OLFML2B: variants seen among roughly 807,000 people sequenced by gnomAD.
The protein encoded by OLFML2B is olfactomedin like 2B.
In OLFML2B, 57 loss-of-function variants were observed where a neutral mutation model predicts 74.9. The observed-to-expected ratio is 0.76, with a 90% confidence interval of 0.61 to 0.95. The LOEUF is 0.95. OLFML2B is among the 40% of genes least tolerant of loss of function. OLFML2B has a pLI of 0.00. For synonymous variants in OLFML2B, 388 were observed against 405.8 expected, an observed-to-expected ratio of 0.96 and a Z score of 0.53; for missense variants, 986 against 970.6, an observed-to-expected ratio of 1.02 and a Z score of -0.21.
At chr1:162,015,819 A>T (rs1342853975) in intron 3 of OLFML2B, among the ~76,000 whole-genome samples, 2 of 151,882 alleles carry the variant, frequency 1.3e-5, no homozygotes, top group African/African-American at 2.4e-5. Context: ...CTTTGAGAGA[A>T]CCCCTTGAAG....
chr1:162,012,753 A>G (rs556514634), intron 3 of OLFML2B, among the ~76,000 whole-genome samples: 19 of 152,334 alleles, frequency 1.2e-4, no homozygotes, highest in African/African-American at 4.6e-4. Flanking sequence ...ACATGTGTAC[A>G]TAAGCATTTC....
Position 162,000,102 on chromosome 1 carries a change from C to T in OLFML2B, c.949+11G>A, listed in dbSNP as rs376250138. The T allele has an allele frequency of 6.3e-6, 10 of 1,576,118 alleles. No individual in the cohort carries two copies. The African/African-American group carries it at 1.2e-4, about 19-fold the overall frequency. On this transcript the variant is annotated intron_variant, in intron 5 of 7. Transcript: ENST00000294794. ...CCTGCCTCTGGGGCGGCCCTGTTGA[C>T]CCCAACTCACGCTGCTCTTCAATGT...
intron 4 of OLFML2B, among the ~76,000 whole-genome samples, chr1:162,001,822 A>T (rs1398591718): frequency 6.6e-6 from 1 of 152,222 alleles, no homozygotes; most frequent in Non-Finnish European, 1.5e-5. Context: ...TGTTAAATTG[A>T]ATTTCTGAAT....
At chr1:162,006,174 A>G (rs1480023135) in intron 4 of OLFML2B, 123 bp downstream of exon 4, 1 of 861,332 alleles carries the variant, frequency 1.2e-6, no homozygotes, top group Non-Finnish European at 1.7e-6. Context: ...GAACAATTGT[A>G]TGGATGAAGC....
In OLFML2B at chr1:161,984,231, G is replaced by A. The variant is rs1689522599; in HGVS notation, c.1697C>T (p.Thr566Ile). The A allele has an allele frequency of 1.9e-6, 3 of 1,543,418 alleles. No individual in the cohort carries two copies. The highest frequency in any genetic ancestry group is 2.6e-6 in the Non-Finnish European group (3 of 1,146,612). ...GGCGCCATTGTATACCACGTGGCCT[G>A]TGCCGATCCAGCTGTACGGGAGCTT... The part of the protein sequence containing the change: ...SYKLPYSWIG[T>I]GHVVYNGAFY... The change falls in exon 8 of 8, where the codon ACA (threonine) becomes ATA (isoleucine). Residue 566 changes from threonine to isoleucine, a missense_variant. Physicochemically the swap from Thr to Ile is moderately conservative, Grantham distance 89. Coordinates refer to ENST00000294794, the MANE Select transcript of OLFML2B (RefSeq NM_015441.3).
intron 3 of OLFML2B, among the ~76,000 whole-genome samples, chr1:162,014,078 G>C (rs949292314): frequency 2.6e-5 from 4 of 152,176 alleles, no homozygotes; most frequent in African/African-American, 9.7e-5. Context: ...TCCCCTGAGG[G>C]AAGGGTATGA....
At chr1:161,992,298 G>T (rs1689763423) in intron 6 of OLFML2B, among the ~76,000 whole-genome samples, 1 of 152,248 alleles carries the variant, frequency 6.6e-6, no homozygotes, top group African/African-American at 2.4e-5. Context: ...TTAGGGCCTT[G>T]CTCTGGATTA....
At chr1:161,987,709 G>C (rs1276974219) in intron 6 of OLFML2B, among the ~76,000 whole-genome samples, 1 of 152,172 alleles carries the variant, frequency 6.6e-6, no homozygotes, top group African/African-American at 2.4e-5. Flanking sequence ...GGAGGCATAG[G>C]AAATGGATAC....
intron 3 of OLFML2B, among the ~76,000 whole-genome samples, chr1:162,014,643 T>C (rs753333124): frequency 3.1e-4 from 47 of 152,188 alleles, no homozygotes; most frequent in Non-Finnish European, 6.3e-4. Flanking sequence ...ATTCTGCCTT[T>C]TCAATTACTG....
At chr1:162,018,246 T>C (rs2101979663) in intron 2 of OLFML2B, among the ~76,000 whole-genome samples, 1 of 152,256 alleles carries the variant, frequency 6.6e-6, no homozygotes, top group East Asian at 1.9e-4. Flanking sequence ...TGAGTTTACC[T>C]CTATAACAAA....
chr1:162,018,913 T>A (rs973424197), intron 2 of OLFML2B, among the ~76,000 whole-genome samples: 1 of 152,238 alleles, frequency 6.6e-6, no homozygotes, highest in African/African-American at 2.4e-5. Context: ...TGTGATAATT[T>A]CCTGATTTCT....
chr1:161,987,386 G>A (rs192551808), intron 6 of OLFML2B, among the ~76,000 whole-genome samples: 22 of 152,314 alleles, frequency 1.4e-4, no homozygotes, highest in African/African-American at 5.3e-4. Flanking sequence ...GACTATCTGG[G>A]TGGTCCTATT....
At chr1:162,017,645 T>C in intron 2 of OLFML2B, 138 bp from the exon 3 acceptor site, 3 of 609,778 alleles carry the variant, frequency 4.9e-6, no homozygotes, top group Non-Finnish European at 8.6e-6. Context: ...AGAAACACAT[T>C]TGTGTAGACA....
Position 162,006,313 on chromosome 1 carries a change from G to A in OLFML2B, c.707C>T (p.Ala236Val). ...GGGCTATACCTCTGGGTGGGCGTAG[G>A]CTGCTGCTGCATCCCTCTGCAGGGC... ...RSALQRDAAA[A>V]YAHPEYEERF... The change falls in exon 4 of 8, where the codon GCC (alanine) becomes GTC (valine). Residue 236 changes from alanine (A) to valine (V), a missense_variant. Transcript: ENST00000294794. 6.3e-7 allele frequency: 1 copy of A among 1,595,268 alleles called. No individual in the cohort carries two copies. The highest frequency in any genetic ancestry group is 8.5e-7 in the Non-Finnish European group (1 of 1,173,378).
chr1:161,996,122 A>AT (rs1460470513), intron 6 of OLFML2B, among the ~76,000 whole-genome samples: 1 of 152,084 alleles, frequency 6.6e-6, no homozygotes, highest in Non-Finnish European at 1.5e-5. Context: ...CGTTCATGAG[A>AT]TTTTGCCCTG....
chr1:162,002,808 G>T (rs1690117362), intron 4 of OLFML2B, among the ~76,000 whole-genome samples: 1 of 152,192 alleles, frequency 6.6e-6, no homozygotes, highest in Non-Finnish European at 1.5e-5. Flanking sequence ...CCTGCTCCTT[G>T]CCCCTCCCTC....
Position 161,984,251 on chromosome 1 carries a change from G to A in OLFML2B, c.1677C>T (p.Leu559=), listed in dbSNP as rs763070359. The A allele has an allele frequency of 6.6e-7, 1 of 1,522,234 alleles. No individual in the cohort carries two copies. The highest frequency in any genetic ancestry group is 8.8e-7 in the Non-Finnish European group (1 of 1,136,190). The allele number at this position is 1,522,234 out of a possible 1,614,324, so 94.3% of individuals were successfully genotyped here. ...KQGRWSNSYK[L]PYSWIGTGHV... is the part of the protein sequence containing the mutation. ...GGCCTGTGCCGATCCAGCTGTACGGGAGCTTGTAGGAATTGCTCCAGCGAC... is the reference window on the plus strand; with the variant it reads ...GGCCTGTGCCGATCCAGCTGTACGGAAGCTTGTAGGAATTGCTCCAGCGAC... Residue 559 remains leucine, a synonymous_variant, in exon 8 of 8, where the codon CTC becomes CTT. Transcript: ENST00000294794.
chr1:162,011,866 C>A (rs1041787701), intron 3 of OLFML2B, among the ~76,000 whole-genome samples: 2 of 152,208 alleles, frequency 1.3e-5, no homozygotes, highest in Non-Finnish European at 1.5e-5. Context: ...CCTGGCAGCT[C>A]TAAACTGTTC....
intron 3 of OLFML2B, among the ~76,000 whole-genome samples, chr1:162,009,909 G>T (rs1006523325): frequency 4.6e-5 from 7 of 152,216 alleles, no homozygotes; most frequent in Non-Finnish European, 1.0e-4. Context: ...GGGTACCCTC[G>T]ATTCTGCCCT....
Sources: gnomAD v4.1 joint callset for allele counts (sites outside exome capture counted in the v4.1 genomes callset) on GRCh38, gnomAD v4.1.1 for gene constraint, MANE v1.5 for transcripts, NCBI Gene and HGNC (gene_info 2026-07-23, HGNC 2026-07-21) for gene names.